The following ATG4B variants were observed in gnomAD, a reference collection of about 807,000 sequenced individuals.
The protein encoded by ATG4B is cysteine protease ATG4B.
A neutral mutation model predicts 56.6 loss-of-function variants in ATG4B; 29 were observed. That is an observed-to-expected ratio of 0.51 (90% CI 0.38 to 0.70). The LOEUF is 0.70. Ranked by LOEUF, ATG4B falls within the 30% of genes least tolerant of loss-of-function variation. The pLI, the probability that ATG4B is intolerant of heterozygous loss-of-function variation, is 0.00. For synonymous variants in ATG4B, 224 were observed against 206.1 expected (o/e 1.09, Z -0.74); for missense variants, 461 against 515.5 (o/e 0.89, Z 1.02).
At chr2:241,638,457 G>A (rs956018391) in intron 1 of ATG4B, 38 of 152,050 alleles carry the variant, frequency 2.5e-4, no homozygotes, top group African/African-American at 8.9e-4. Context: ...ATTATTTTAA[G>A]TCAGCGCCAA....
chr2:241,655,488 CTG>C lies in ATG4B; in HGVS notation c.458+149_458+150del, dbSNP rs1318543631. On this transcript the variant is annotated intron_variant, in intron 6 of 12. Transcript: ENST00000404914. ...CCCTCAGAAGGTTTCTCAGCGATGACTGTGTTGAGGTCTTGTGAATAGGAATT... is the reference window on the plus strand; with the variant it reads ...CCCTCAGAAGGTTTCTCAGCGATGACTGTTGAGGTCTTGTGAATAGGAATT... 34 of 786,630 alleles carry C rather than the reference CTG, an allele frequency of 4.3e-5. No individual in the cohort carries two copies. The Admixed American group carries it at 4.9e-4, about 11-fold the overall frequency. 48.7% of individuals were successfully genotyped at this position (786,630 alleles called of 1,614,324 possible).
chr2:241,658,639 C>T (rs767672885), intron 6 of ATG4B, among the ~76,000 whole-genome samples: 7 of 152,218 alleles, frequency 4.6e-5, no homozygotes, highest in African/African-American at 9.7e-5. Flanking sequence ...CGTGCACAGT[C>T]GTGCTTCCCA....
intron 12 of ATG4B, 154 bp from the exon 13 acceptor site, chr2:241,672,037 G>C: frequency 7.0e-7 from 1 of 1,433,752 alleles, no homozygotes; most frequent in African/African-American, 1.4e-5. Context: ...TCGCAGGTCT[G>C]CACAACCCCC....
chr2:241,662,155 T>C (rs2068610971), intron 7 of ATG4B, among the ~76,000 whole-genome samples: 1 of 152,184 alleles, frequency 6.6e-6, no homozygotes, highest in East Asian at 1.9e-4. Context: ...TCTTTAGAGC[T>C]AAAGACCCCC....
At chr2:241,659,025 C>A (rs1038945406) in intron 6 of ATG4B, 83 bp from the exon 7 acceptor site, 3 of 1,086,234 alleles carry the variant, frequency 2.8e-6, no homozygotes, top group Non-Finnish European at 3.9e-6. Flanking sequence ...TAACGCGAAC[C>A]CTCCTTCGCG....
At chr2:241,661,322 TGCACAA>T (rs954957472) in intron 7 of ATG4B, among the ~76,000 whole-genome samples, 4 of 152,188 alleles carry the variant, frequency 2.6e-5, no homozygotes, top group Non-Finnish European at 1.5e-5. Context: ...CTGGCATTGA[TGCACAA>T]GGCTTGGGTT....
chr2:241,638,128 T>G (rs2067737906), intron 1 of ATG4B: 2 of 158,980 alleles, frequency 1.3e-5, no homozygotes, highest in South Asian at 1.9e-4. Context: ...GGCGAAAGCG[T>G]AGCCTTTCCG....
In ATG4B at chr2:241,671,589, C is replaced by T; in HGVS notation, c.1108+184C>T. The T allele has an allele frequency of 3.3e-6, 5 of 1,518,466 alleles. No individual in the cohort carries two copies. In the South Asian group the frequency reaches 4.8e-5, roughly 15 times the overall value. The allele number at this position is 1,518,466 out of a possible 1,614,324, so 94.1% of individuals were successfully genotyped here. A position where few individuals can be genotyped will look rare whatever the true frequency, so the allele number is the denominator to read the frequency against. On this transcript the variant is annotated intron_variant, in intron 12 of 12. Transcript: ENST00000404914. ...GCGTCCCCTCCTCCAAGCTTGCGCCCAGCAGCCCAGGACCCACCTCGTCTT... is the reference window on the plus strand; with the variant it reads ...GCGTCCCCTCCTCCAAGCTTGCGCCTAGCAGCCCAGGACCCACCTCGTCTT...
At chr2:241,648,572 G>T (rs2068131708) in intron 1 of ATG4B, among the ~76,000 whole-genome samples, 1 of 148,086 alleles carries the variant, frequency 6.8e-6, no homozygotes. Flanking sequence ...TCCAGCCTGG[G>T]TGACAAAATG....
At chr2:241,645,513 C>T (rs185512929) in intron 1 of ATG4B, among the ~76,000 whole-genome samples, 9 of 152,234 alleles carry the variant, frequency 5.9e-5, no homozygotes, top group Admixed American at 1.3e-4. Context: ...GAAGGCTGGC[C>T]CTGAAAGAGT....
Position 241,651,134 on chromosome 2 carries a change from C to A in ATG4B, c.112+23C>A. The A allele has an allele frequency of 6.2e-7, 1 of 1,601,224 alleles. No individual in the cohort carries two copies. On this transcript the variant is annotated intron_variant, in intron 2 of 12. Transcript: ENST00000404914. The surrounding 1 kb of genome is among the most constrained non-coding windows in gnomAD (Gnocchi z 4.1). ...CAGGTATCGGCCATGCTGGAGCCCA[C>A]CCTGGTCTGACCGCTTGGCCTGCAG...
At position 241,672,311 on chromosome 2, in the gene ATG4B, G is replaced by T; in HGVS notation, c.*47G>T. 6.7e-7 allele frequency: 1 copy of T among 1,490,690 alleles called. No individual in the cohort carries two copies. 92.3% of individuals were successfully genotyped at this position (1,490,690 alleles called of 1,614,324 possible). A position where few individuals can be genotyped will look rare whatever the true frequency, so the allele number is the denominator to read the frequency against. ...CACCTGTGAGAGCCTGGGGCTCCTG[G>T]TGCCGCTGCGTTTCATCCATCCCGC... is the stretch of plus-strand genomic sequence containing the variant. On this transcript the variant is annotated 3_prime_UTR_variant, in exon 13 of 13. Coordinates refer to ENST00000404914, the MANE Select transcript of ATG4B (RefSeq NM_013325.5).
intron 6 of ATG4B, 115 bp downstream of exon 6, chr2:241,655,458 C>G (rs1381030625): frequency 9.6e-7 from 1 of 1,040,322 alleles, no homozygotes; most frequent in Non-Finnish European, 1.4e-6. Flanking sequence ...TTATTTACTT[C>G]ATGGCCCTCA....
rs112815073 is a variant in ATG4B at position 241,661,237 on chromosome 2, C to G, written c.538+2050C>G. 6.8e-3 allele frequency among the ~76,000 whole-genome samples: 1,038 copies of G among 152,336 alleles called. 14 individuals are homozygous for G. Among genetic ancestry groups the G allele is most frequent in the African/African-American group, 0.024 (991 of 41,586 alleles). On this transcript the variant is annotated intron_variant, in intron 7 of 12. Transcript: ENST00000404914. ...TCAGCTGCCTGAAAGGACACTGTTC[C>G]TCACAGGAGCATGTGGAAGGTGCCT... is the stretch of plus-strand genomic sequence containing the variant.
Position 241,651,779 on chromosome 2 carries a change from C to T in ATG4B, c.184+444C>T. The T allele has an allele frequency of 1.4e-6, 1 of 705,540 alleles. No individual in the cohort carries two copies. The highest frequency in any genetic ancestry group is 6.6e-5 in the East Asian group (1 of 15,198). The allele number at this position is 705,540 out of a possible 1,614,324, so 43.7% of individuals were successfully genotyped here. ...ATGTTTGGAAGCCATTCTCTGTAGC[C>T]CTCATCTTTTTTAGTATTTTCCACA... is the stretch of plus-strand genomic sequence containing the variant. On this transcript the variant is annotated intron_variant, in intron 3 of 12. Coordinates refer to ENST00000404914, the MANE Select transcript of ATG4B (RefSeq NM_013325.5). The surrounding 1 kb of genome is among the most constrained non-coding windows in gnomAD (Gnocchi z 4.1).
chr2:241,657,347 G>T lies in ATG4B; in HGVS notation c.459-1761G>T, dbSNP rs539122755. Among the ~76,000 whole-genome samples, 10 of 147,544 alleles carry T rather than the reference G, an allele frequency of 6.8e-5. No individual in the cohort carries two copies. In the South Asian group the frequency reaches 2.2e-3, roughly 32 times the overall value. Reference sequence around the variant, plus strand: ...GAGTCTAGCTCTGTAGTCCAGGCTGGAGTGCAGTGGTGCAATCTTGGGCTC... The same window carrying T: ...GAGTCTAGCTCTGTAGTCCAGGCTGTAGTGCAGTGGTGCAATCTTGGGCTC... On this transcript the variant is annotated intron_variant, in intron 6 of 12. Transcript: ENST00000404914.
At chr2:241,658,567 G>C (rs1575076378) in intron 6 of ATG4B, among the ~76,000 whole-genome samples, 1 of 151,034 alleles carries the variant, frequency 6.6e-6, no homozygotes, top group East Asian at 2.0e-4. Context: ...TTAGACTTTT[G>C]GCTGCAGAAT....
chr2:241,651,138 G>T lies in ATG4B; in HGVS notation c.112+27G>T, dbSNP rs1347919591. On this transcript the variant is annotated intron_variant, in intron 2 of 12. Transcript: ENST00000404914. The surrounding 1 kb of genome is among the most constrained non-coding windows in gnomAD (Gnocchi z 4.1). Reference sequence around the variant, plus strand: ...TATCGGCCATGCTGGAGCCCACCCTGGTCTGACCGCTTGGCCTGCAGAAGC... The same window carrying T: ...TATCGGCCATGCTGGAGCCCACCCTTGTCTGACCGCTTGGCCTGCAGAAGC... The T allele has an allele frequency of 6.3e-7, 1 of 1,596,384 alleles. No homozygotes were observed. Among genetic ancestry groups the T allele is most frequent in the Admixed American group, 1.7e-5 (1 of 57,832 alleles).
At chr2:241,652,041 G>A in intron 3 of ATG4B, 1 of 1,182,204 alleles carries the variant, frequency 8.5e-7, no homozygotes, top group Non-Finnish European at 1.1e-6. Context: ...TTCTAGGGGT[G>A]GTTTCATTCT....
Sources: gnomAD v4.1 joint callset for allele counts (sites outside exome capture counted in the v4.1 genomes callset) on GRCh38, gnomAD v4.1.1 for gene constraint, Gnocchi (gnomAD v3.1) non-coding constraint, MANE v1.5 for transcripts, NCBI Gene and HGNC (gene_info 2026-07-23, HGNC 2026-07-21) for gene names.